Variants in MCTP1 observed in about 807,000 individuals in gnomAD.
MCTP1 encodes multiple C2 and transmembrane domain containing 1.
MCTP1 carries 69 observed loss-of-function variants against 120.6 expected under a neutral mutation model. That is an observed-to-expected ratio of 0.57 (90% confidence interval 0.47 to 0.70). The LOEUF (loss-of-function observed/expected upper bound fraction) is 0.70, where lower values mean the gene tolerates loss of function less well. Ranked by LOEUF, MCTP1 falls within the 30% of genes least tolerant of loss-of-function variation. MCTP1 has a pLI of 0.00. For missense variants in MCTP1, 1,203 were observed against 1,248.8 expected, an observed-to-expected ratio of 0.96 and a Z score of 0.55; for synonymous variants, 529 against 493.1, an observed-to-expected ratio of 1.07 and a Z score of -0.96.
intron 1 of MCTP1, among the ~76,000 whole-genome samples, chr5:95,208,693 A>G: frequency 6.6e-6 from 1 of 151,970 alleles, no homozygotes; most frequent in East Asian, 1.9e-4. Flanking sequence ...AGGACAAAAA[A>G]GAGATACCAA....
chr5:94,758,904 T>A (rs1279271729), intron 19 of MCTP1, among the ~76,000 whole-genome samples: 1 of 152,212 alleles, frequency 6.6e-6, no homozygotes, highest in Admixed American at 6.5e-5. Flanking sequence ...GTTTTCCTGA[T>A]ATACACTAAA....
intron 1 of MCTP1, among the ~76,000 whole-genome samples, chr5:95,212,038 G>C (rs1012986542): frequency 2.6e-5 from 4 of 152,142 alleles, no homozygotes; most frequent in Non-Finnish European, 5.9e-5. Flanking sequence ...GAAGGAGATA[G>C]AGACACAAAA....
rs576655912 is a variant in MCTP1, at chr5:94,705,462, G to A, written c.*2034C>T. The A allele has an allele frequency of 7.2e-6, 1 of 139,628 alleles. No homozygotes were observed. Among genetic ancestry groups the A allele is most frequent in the East Asian group, 2.2e-4 (1 of 4,622 alleles). The allele number at this position is 139,628 out of a possible 1,614,324, so 8.6% of individuals were successfully genotyped here. On this transcript the variant is annotated 3_prime_UTR_variant, in exon 23 of 23. Transcript: ENST00000515393. ...TCTGTTTTTCTCCAAGTGACATATAGTTTTTAAGAATATGCACACAATCCC... is the reference window on the plus strand; with the variant it reads ...TCTGTTTTTCTCCAAGTGACATATAATTTTTAAGAATATGCACACAATCCC...
At chr5:94,812,631 G>A (rs1388018089) in intron 17 of MCTP1, among the ~76,000 whole-genome samples, 1 of 151,876 alleles carries the variant, frequency 6.6e-6, no homozygotes, top group Non-Finnish European at 1.5e-5. Flanking sequence ...GAAAATTCAG[G>A]TGAACACCTG....
chr5:95,113,969 C>T (rs56180405), intron 1 of MCTP1, among the ~76,000 whole-genome samples: 7,970 of 152,214 alleles, frequency 0.052, 270 homozygotes, highest in Non-Finnish European at 0.078. Flanking sequence ...GGATAGGGTA[C>T]CAGTGAGAGT....
At chr5:95,210,752 G>A (rs141198489) in intron 1 of MCTP1, among the ~76,000 whole-genome samples, 1,824 of 151,952 alleles carry the variant, frequency 0.012, 26 homozygotes, top group African/African-American at 0.041. Context: ...GTTAGTTCAC[G>A]CAGTTTCTTC....
intron 8 of MCTP1, 74 bp from the exon 9 acceptor site, chr5:94,913,050 T>G (rs894459377): frequency 5.5e-5 from 60 of 1,090,384 alleles, no homozygotes; most frequent in Non-Finnish European, 6.9e-5. Context: ...TTACCTTTTC[T>G]CCTGTTATGA....
At chr5:95,140,791 A>G (rs1457236028) in intron 1 of MCTP1, among the ~76,000 whole-genome samples, 2 of 143,466 alleles carry the variant, frequency 1.4e-5, no homozygotes, top group Non-Finnish European at 3.0e-5. Flanking sequence ...GAGGCAGGAG[A>G]ATGGCGTGAA....
chr5:95,261,167 C>T (rs912137377), intron 1 of MCTP1, among the ~76,000 whole-genome samples: 4 of 152,178 alleles, frequency 2.6e-5, no homozygotes, highest in Admixed American at 6.5e-5. Context: ...ATCTGAGTAA[C>T]TGCTATCCAT....
At chr5:94,735,258 G>A (rs1173890334) in intron 19 of MCTP1, among the ~76,000 whole-genome samples, 1 of 152,164 alleles carries the variant, frequency 6.6e-6, no homozygotes, top group African/African-American at 2.4e-5. Context: ...TGGAGACCCA[G>A]ACTAGTTGCT....
At chr5:95,220,124 A>G (rs532331262) in intron 1 of MCTP1, among the ~76,000 whole-genome samples, 5 of 152,208 alleles carry the variant, frequency 3.3e-5, no homozygotes, top group Non-Finnish European at 5.9e-5. Flanking sequence ...GATTAAAATA[A>G]GGGCTAAATT....
chr5:95,103,613 A>G (rs994810461), intron 1 of MCTP1, among the ~76,000 whole-genome samples: 3 of 152,216 alleles, frequency 2.0e-5, no homozygotes, highest in Non-Finnish European at 2.9e-5. Flanking sequence ...AAAGCAATCA[A>G]AATGTACAGT....
chr5:94,884,057 T>C (rs979906123), intron 12 of MCTP1, among the ~76,000 whole-genome samples: 1 of 152,276 alleles, frequency 6.6e-6, no homozygotes, highest in Non-Finnish European at 1.5e-5. Context: ...ATCCAAATCT[T>C]TGTATAAAAT....
At chr5:95,271,381 T>C (rs568644098) in intron 1 of MCTP1, among the ~76,000 whole-genome samples, 13 of 152,360 alleles carry the variant, frequency 8.5e-5, no homozygotes, top group African/African-American at 3.1e-4. Context: ...AGCTCTCATT[T>C]TGAGGTGATC....
intron 1 of MCTP1, among the ~76,000 whole-genome samples, chr5:95,151,873 G>A (rs939115989): frequency 6.6e-6 from 1 of 152,048 alleles, no homozygotes; most frequent in Non-Finnish European, 1.5e-5. Context: ...AACAGTCCCC[G>A]ACCACACTCC....
intron 7 of MCTP1, among the ~76,000 whole-genome samples, chr5:94,923,709 G>A (rs1308988107): frequency 6.6e-6 from 1 of 152,116 alleles, no homozygotes; most frequent in Non-Finnish European, 1.5e-5. Context: ...TAGCTTCTCA[G>A]AATTTGGAAT....
chr5:95,182,186 G>C (rs1231358328), intron 1 of MCTP1, among the ~76,000 whole-genome samples: 1 of 152,180 alleles, frequency 6.6e-6, no homozygotes, highest in Non-Finnish European at 1.5e-5. Flanking sequence ...AAAAGTGGGT[G>C]TGAAGAAAAG....
Position 95,134,339 on chromosome 5 carries a change from T to C in MCTP1, c.721-116855A>G, listed in dbSNP as rs942178870. Among the ~76,000 whole-genome samples, 39 of 152,210 alleles carry C rather than the reference T, an allele frequency of 2.6e-4. 1 individual carries two copies. The highest frequency in any genetic ancestry group is 2.4e-5 in the African/African-American group (1 of 41,452). On this transcript the variant is annotated intron_variant, in intron 1 of 22. Transcript: ENST00000515393. Reference sequence around the variant, plus strand: ...TATATGTACAAATGTTCACACATTATAGGCAAGATTACATATAAAAGAATG... The same window carrying C: ...TATATGTACAAATGTTCACACATTACAGGCAAGATTACATATAAAAGAATG...
intron 17 of MCTP1, among the ~76,000 whole-genome samples, chr5:94,832,838 C>A (rs111755592): frequency 2.0e-5 from 3 of 152,188 alleles, no homozygotes; most frequent in Admixed American, 6.5e-5. Context: ...AGGCTCACTG[C>A]GAAGAGTGCG....
Sources: allele counts gnomAD v4.1 joint callset (sites outside exome capture counted in the v4.1 genomes callset), GRCh38; gene constraint gnomAD v4.1.1; transcripts MANE v1.5; gene names NCBI Gene and HGNC (gene_info 2026-07-23, HGNC 2026-07-21).